Variants in ANXA4 observed in about 807,000 individuals in gnomAD.
ANXA4 encodes annexin A4, also known as 35-beta calcimedin.
ANXA4 carries 39 observed loss-of-function variants against 49.8 expected under a neutral mutation model. The ratio of observed to expected loss-of-function variants is 0.78; its 90% CI spans 0.61 to 1.02. The LOEUF (loss-of-function observed/expected upper bound fraction) is 1.02. ANXA4 is among the 50% of genes least tolerant of loss of function. The probability of loss-of-function intolerance (pLI) is 0.00; values close to 1 mark genes in which losing one functional copy is unlikely to be tolerated. For synonymous variants in ANXA4, 134 were observed against 152.5 expected, an observed-to-expected ratio of 0.88 and a Z score of 0.89; for missense variants, 360 against 410.1, an observed-to-expected ratio of 0.88 and a Z score of 1.05.
rs1301215173 is a variant in ANXA4, at chr2:69,648,962, C to T, written n.482-4036C>T. ...GTGCAATGGCACAATCTTGGCTCAC[C>T]GCAACCTCCGCCTCCCAGGTTCAAG... On this transcript the variant is annotated intron_variant and non_coding_transcript_variant, in intron 1 of 3. Coordinates refer to the ANXA4 transcript ENST00000418066. Among the ~76,000 whole-genome samples the T allele has an allele frequency of 3.4e-5, 5 of 146,672 alleles. No individual in the cohort carries two copies. In the East Asian group the frequency reaches 6.6e-4, roughly 19 times the overall value.
At chr2:69,718,995 G>T (rs4852307) in intron 2 of ANXA4, among the ~76,000 whole-genome samples, 23,529 of 89,772 alleles carry the variant, frequency 0.26, 1,971 homozygotes, top group East Asian at 0.45. Flanking sequence ...TTTTTTTTTT[G>T]TGACTGAGTC....
intron 1 of ANXA4, among the ~76,000 whole-genome samples, chr2:69,770,864 C>T (rs1037078137): frequency 6.6e-6 from 1 of 151,346 alleles, no homozygotes; most frequent in Admixed American, 6.6e-5. Flanking sequence ...GTGAGGCAGA[C>T]GATCGCTTGA....
chr2:69,701,349 G>A (rs764420453), intron 2 of ANXA4, among the ~76,000 whole-genome samples: 15 of 151,934 alleles, frequency 9.9e-5, no homozygotes, highest in Non-Finnish European at 1.6e-4. Context: ...CATTCAACAT[G>A]AACTCCCCAT....
intron 2 of ANXA4, among the ~76,000 whole-genome samples, chr2:69,719,435 A>T (rs1183551430): frequency 6.6e-6 from 1 of 150,866 alleles, no homozygotes; most frequent in Non-Finnish European, 1.5e-5. Flanking sequence ...AGTAATTTTT[A>T]AAAATTATTA....
At chr2:69,694,883 C>T (rs1003380372) in intron 2 of ANXA4, among the ~76,000 whole-genome samples, 2 of 152,086 alleles carry the variant, frequency 1.3e-5, no homozygotes, top group African/African-American at 2.4e-5. Flanking sequence ...GCCTTGGCCT[C>T]CCAAAGTGCT....
At chr2:69,757,791 A>G (rs1397319008) in intron 1 of ANXA4, among the ~76,000 whole-genome samples, 1 of 151,492 alleles carries the variant, frequency 6.6e-6, no homozygotes, top group Non-Finnish European at 1.5e-5. Flanking sequence ...ATCGGTCTCT[A>G]TTAATAAAAA....
chr2:69,744,250 T>TG (rs1670523423), intron 1 of ANXA4, among the ~76,000 whole-genome samples: 1 of 151,948 alleles, frequency 6.6e-6, no homozygotes, highest in East Asian at 1.9e-4. Flanking sequence ...AAGGCTGCAG[T>TG]GAGTTATGAT....
Position 69,804,603 on chromosome 2 carries a change from A to G in ANXA4, c.168A>G (p.Thr56=). 2 of 1,613,624 alleles carry G rather than the reference A, an allele frequency of 1.2e-6. No individual in the cohort carries two copies. The highest frequency in any genetic ancestry group is 1.7e-6 in the Non-Finnish European group (2 of 1,179,770). Residue 56 remains threonine (T), a synonymous_variant, in exon 4 of 13, where the codon ACA becomes ACG. Coordinates refer to ENST00000394295, the MANE Select transcript of ANXA4 (RefSeq NM_001153.5). ...RNTAQRQEIR[T]AYKSTIGRDL... The stretch of plus-strand genomic sequence containing the variant: ...CCGCCCAGCGCCAGGAGATCAGGAC[A>G]GCCTACAAGAGCACCATCGGCAGGG...
At chr2:69,666,913 G>T (rs935101877) in intron 2 of ANXA4, among the ~76,000 whole-genome samples, 1 of 152,092 alleles carries the variant, frequency 6.6e-6, no homozygotes, top group Admixed American at 6.6e-5. Flanking sequence ...AAGCGTGTTG[G>T]TGCACACCTG....
At chr2:69,764,212 A>C (rs1671415064) in intron 1 of ANXA4, among the ~76,000 whole-genome samples, 1 of 152,156 alleles carries the variant, frequency 6.6e-6, no homozygotes, top group Non-Finnish European at 1.5e-5. Context: ...TGTGTGATCA[A>C]CCTGTTGGGA....
intron 9 of ANXA4, chr2:69,818,393 C>T (rs969222026): frequency 2.9e-5 from 10 of 350,840 alleles, no homozygotes; most frequent in Non-Finnish European, 5.3e-5. Context: ...GTCCTCCAAA[C>T]ATCACAGCAT....
In ANXA4 at chr2:69,680,532, A is replaced by G. The variant is rs1317565490; in HGVS notation, n.766+27250A>G. ...CTGATTGCTCTGGCTAGGACTTTCAATCCTGTGTTGAATAGGAGTGGTGCA... is the reference window on the plus strand; with the variant it reads ...CTGATTGCTCTGGCTAGGACTTTCAGTCCTGTGTTGAATAGGAGTGGTGCA... On this transcript the variant is annotated intron_variant and non_coding_transcript_variant, in intron 2 of 3. Transcript: ENST00000418066. 2.0e-5 allele frequency among the ~76,000 whole-genome samples: 3 copies of G among 152,176 alleles called. No homozygotes were observed. The East Asian group carries it at 5.8e-4, about 29-fold the overall frequency.
At chr2:69,781,671 C>A in intron 2 of ANXA4, 97 bp downstream of exon 2, 1 of 1,386,592 alleles carries the variant, frequency 7.2e-7, no homozygotes, top group Non-Finnish European at 1.0e-6. Context: ...GCATTGTTTA[C>A]TCAACAGAGG....
In ANXA4 at chr2:69,699,042, A is replaced by G. The variant is rs115527489; in HGVS notation, n.767-21732A>G. On this transcript the variant is annotated intron_variant and non_coding_transcript_variant, in intron 2 of 3. Transcript: ENST00000418066. The stretch of plus-strand genomic sequence containing the variant: ...AAAAAGCTGATGGATTGAAGGAAAG[A>G]TTCGGGTGAGGGGGGACAACTGAAG... Among the ~76,000 whole-genome samples, 318 of 152,336 alleles carry G rather than the reference A, an allele frequency of 2.1e-3. 3 individuals are homozygous for G. Among genetic ancestry groups the G allele is most frequent in the Middle Eastern group, 0.017 (5 of 294 alleles).
At chr2:69,791,560 GT>G (rs1277556737) in intron 3 of ANXA4, among the ~76,000 whole-genome samples, 2 of 152,134 alleles carry the variant, frequency 1.3e-5, no homozygotes, top group Non-Finnish European at 2.9e-5. Context: ...CTTAAGACAA[GT>G]TTTTTTGACT....
rs531458992 is a variant in ANXA4, at chr2:69,656,220, T to C, written n.766+2938T>C. Among the ~76,000 whole-genome samples, 65 of 136,368 alleles carry C rather than the reference T, an allele frequency of 4.8e-4. 2 individuals are homozygous for C. Among genetic ancestry groups the C allele is most frequent in the African/African-American group, 1.6e-3 (59 of 36,874 alleles). The allele number at this position is 136,368 out of a possible 152,430, so 89.5% of individuals were successfully genotyped here. The stretch of plus-strand genomic sequence containing the variant: ...ATATATATATACACACACATATATA[T>C]GTATATATGTATATATATACGTATA... On this transcript the variant is annotated intron_variant and non_coding_transcript_variant, in intron 2 of 3. Transcript: ENST00000418066.
chr2:69,704,806 G>A (rs867221519), intron 2 of ANXA4, among the ~76,000 whole-genome samples: 2 of 152,252 alleles, frequency 1.3e-5, no homozygotes, highest in Non-Finnish European at 1.5e-5. Flanking sequence ...GCAAAAGATT[G>A]TAGCTGTTTT....
chr2:69,685,232 G>A (rs999845623), intron 2 of ANXA4, among the ~76,000 whole-genome samples: 3 of 152,094 alleles, frequency 2.0e-5, no homozygotes, highest in Non-Finnish European at 4.4e-5. Flanking sequence ...ATCCAGATGA[G>A]TTCACTAAAA....
chr2:69,792,222 A>G (rs1233234340), intron 3 of ANXA4, among the ~76,000 whole-genome samples: 1 of 152,230 alleles, frequency 6.6e-6, no homozygotes, highest in African/African-American at 2.4e-5. Flanking sequence ...TAGATTACCA[A>G]AAGTTTTTGT....
Sources: allele counts gnomAD v4.1 joint callset (sites outside exome capture counted in the v4.1 genomes callset), GRCh38; gene constraint gnomAD v4.1.1; transcripts MANE v1.5; gene names NCBI Gene and HGNC (gene_info 2026-07-23, HGNC 2026-07-21).